Variants in HFE observed in about 807,000 individuals in gnomAD.
HFE encodes the protein hereditary hemochromatosis protein.
Under a neutral mutation model 40.9 loss-of-function variants are expected in HFE, and 36 were observed. The ratio of observed to expected loss-of-function variants is 0.88; its 90% CI spans 0.67 to 1.16. HFE has a LOEUF of 1.16. HFE is among the 50% of genes most tolerant of loss of function. HFE has a pLI of 0.00. For synonymous variants in HFE, 157 were observed against 165.4 expected (o/e 0.95, Z 0.39); for missense variants, 376 against 432.0 (o/e 0.87, Z 1.15).
chr6:26,093,419 C>T (rs1036817770), intron 5 of HFE, among the ~76,000 whole-genome samples, 187 bp downstream of exon 5: 1 of 152,144 alleles, frequency 6.6e-6, no homozygotes, highest in Non-Finnish European at 1.5e-5. Context: ...ATTCAACAAA[C>T]ATCTTCAGAG....
In HFE at chr6:26,094,799, T is replaced by C. The variant is rs1187175688; in HGVS notation, c.*573T>C. 3 of 269,280 alleles carry C rather than the reference T, an allele frequency of 1.1e-5. No individual in the cohort carries two copies. The highest frequency in any genetic ancestry group is 4.9e-5 in the Admixed American group (1 of 20,460). 16.7% of individuals were successfully genotyped at this position (269,280 alleles called of 1,614,324 possible). A position where few individuals can be genotyped will look rare whatever the true frequency, so the allele number is the denominator to read the frequency against. On this transcript the variant is annotated 3_prime_UTR_variant, in exon 6 of 6. Transcript: ENST00000357618. Reference sequence around the variant, plus strand: ...GTGAGTTGCACAGCTATGAAGGCTGTACACTGCACGAATGGAAGAGGCACC... The same window carrying C: ...GTGAGTTGCACAGCTATGAAGGCTGCACACTGCACGAATGGAAGAGGCACC...
At chr6:26,088,134 T>G (rs1417940392) in intron 1 of HFE, among the ~76,000 whole-genome samples, 1 of 152,238 alleles carries the variant, frequency 6.6e-6, no homozygotes, top group Non-Finnish European at 1.5e-5. Context: ...CCTCGGGCCT[T>G]TCCCCACTCT....
At position 26,093,154 on chromosome 6, in the gene HFE, A is replaced by T; in HGVS notation, c.928A>T (p.Ile310Phe). ...SPSGTLVIGV[I>F]SGIAVFVVIL... ...GTCTGGCACCCTAGTCATTGGAGTCATCAGTGGAATTGCTGTTTTTGTCGT... is the reference window on the plus strand; with the variant it reads ...GTCTGGCACCCTAGTCATTGGAGTCTTCAGTGGAATTGCTGTTTTTGTCGT... The change falls in exon 5 of 6, where the codon ATC (isoleucine) becomes TTC (phenylalanine). Residue 310 changes from isoleucine (I) to phenylalanine (F), a missense_variant. This residue lies in a region of HFE where 173 missense variants were observed against 186.9 expected (regional missense o/e 0.93). Coordinates refer to ENST00000357618, the MANE Select transcript of HFE (RefSeq NM_000410.4). 6.2e-7 allele frequency: 1 copy of T among 1,614,158 alleles called. No homozygotes were observed. Among genetic ancestry groups the T allele is most frequent in the Non-Finnish European group, 8.5e-7 (1 of 1,180,014 alleles).
intron 1 of HFE, among the ~76,000 whole-genome samples, chr6:26,088,911 TACA>T (rs1460373372): frequency 1.3e-5 from 2 of 152,068 alleles, no homozygotes; most frequent in East Asian, 3.8e-4. Context: ...CAGAAAGATA[TACA>T]ACATCAGGAA....
chr6:26,096,815 G>A lies in HFE; in HGVS notation c.*2589G>A. 1.4e-5 allele frequency: 5 copies of A among 356,846 alleles called. No individual in the cohort carries two copies. Among genetic ancestry groups the A allele is most frequent in the South Asian group, 2.2e-5 (1 of 45,668 alleles). 22.1% of individuals were successfully genotyped at this position (356,846 alleles called of 1,614,324 possible). On this transcript the variant is annotated 3_prime_UTR_variant, in exon 6 of 6. Transcript: ENST00000357618. Reference sequence around the variant, plus strand: ...TAAAAATGCATATACTTTAATAAATGTATATTGTATTGTATACTGCATGAT... The same window carrying A: ...TAAAAATGCATATACTTTAATAAATATATATTGTATTGTATACTGCATGAT...
At position 26,094,972 on chromosome 6, in the gene HFE, G is replaced by T. The variant is rs62625355; in HGVS notation, c.*746G>T. ...ATACAGATTTGCAAAGTTTAATGGT[G>T]CCTTCATTTGGGATGCTACTCTAGT... On this transcript the variant is annotated 3_prime_UTR_variant, in exon 6 of 6. Transcript: ENST00000357618. The T allele has an allele frequency of 8.0e-4, 126 of 157,560 alleles. No homozygotes were observed. Among genetic ancestry groups the T allele is most frequent in the South Asian group, 1.8e-3 (10 of 5,498 alleles). The allele number at this position is 157,560 out of a possible 1,614,324, so 9.8% of individuals were successfully genotyped here.
chr6:26,094,714 T>C lies in HFE; in HGVS notation c.*488T>C. The C allele has an allele frequency of 2.1e-6, 1 of 484,710 alleles. No homozygotes were observed. Among genetic ancestry groups the C allele is most frequent in the African/African-American group, 2.0e-5 (1 of 51,192 alleles). The allele number at this position is 484,710 out of a possible 1,614,324, so 30.0% of individuals were successfully genotyped here. A position where few individuals can be genotyped will look rare whatever the true frequency, so the allele number is the denominator to read the frequency against. On this transcript the variant is annotated 3_prime_UTR_variant, in exon 6 of 6. Transcript: ENST00000357618. The stretch of plus-strand genomic sequence containing the variant: ...CAACTTTTCCTTTGAATCCTCTCTC[T>C]GTGTTACCCAGTAACTCATCTGTCA...
intron 1 of HFE, among the ~76,000 whole-genome samples, chr6:26,087,907 C>T (rs781158871): frequency 6.6e-6 from 1 of 152,238 alleles, no homozygotes; most frequent in East Asian, 1.9e-4. Flanking sequence ...TTTCCCCAGT[C>T]ATCTCCAAAC....
At chr6:26,088,123 A>G (rs1762419191) in intron 1 of HFE, among the ~76,000 whole-genome samples, 4 of 152,138 alleles carry the variant, frequency 2.6e-5, no homozygotes, top group South Asian at 4.1e-4. Flanking sequence ...AGAGAGGCCT[A>G]CCTCGGGCCT....
rs1207521680 is a variant in HFE, at chr6:26,091,381, G to T, written c.408G>T (p.Trp136Cys). Reference protein sequence around the residue: ...MQEDNSTEGYWKYGYDGQDHL... With the variant: ...MQEDNSTEGYCKYGYDGQDHL... ...AAGACAACAGTACCGAGGGCTACTG[G>T]AAGTACGGGTATGATGGGCAGGACC... The change falls in exon 3 of 6, where the codon TGG becomes TGT. Residue 136 changes from tryptophan to cysteine, a missense_variant. Physicochemically the swap from Trp to Cys is radical, Grantham distance 215. Around this residue, in one of 3 missense-constraint regions of HFE, gnomAD observed 200 missense variants for 228.5 expected, o/e 0.88. Coordinates refer to ENST00000357618, the MANE Select transcript of HFE (RefSeq NM_000410.4). The T allele has an allele frequency of 2.5e-6, 4 of 1,614,078 alleles. No individual in the cohort carries two copies. The highest frequency in any genetic ancestry group is 3.4e-6 in the Non-Finnish European group (4 of 1,180,038).
In HFE at chr6:26,097,872, A is replaced by G. The variant is rs1045384156; in HGVS notation, c.*3646A>G. The G allele has an allele frequency of 2.0e-5, 3 of 152,152 alleles. No homozygotes were observed. Among genetic ancestry groups the G allele is most frequent in the African/African-American group, 7.2e-5 (3 of 41,424 alleles). The allele number at this position is 152,152 out of a possible 1,614,324, so 9.4% of individuals were successfully genotyped here. On this transcript the variant is annotated 3_prime_UTR_variant, in exon 6 of 6. Transcript: ENST00000357618. The stretch of plus-strand genomic sequence containing the variant: ...ACTCACACACATTTAAAAACAAAAC[A>G]CTGTCTCTAAAATCCCCAAATTTTT...
intron 1 of HFE, among the ~76,000 whole-genome samples, chr6:26,089,104 T>TGGGGGGGG (rs1762482257): frequency 5.7e-5 from 1 of 17,676 alleles, no homozygotes; most frequent in African/African-American, 4.2e-4. Flanking sequence ...CATGTGTGTG[T>TGGGGGGGG]GTGTGGGGGG....
rs139523708 is a variant in HFE at position 26,090,964 on chromosome 6, G to T, written c.200G>T (p.Arg67Leu). 1.4e-5 allele frequency: 22 copies of T among 1,614,050 alleles called. No individual in the cohort carries two copies. The highest frequency in any genetic ancestry group is 1.7e-6 in the Non-Finnish European group (2 of 1,180,046). ...LFVFYDHESR[R>L]VEPRTPWVSS... Reference sequence around the variant, plus strand: ...GTGTTCTATGATCATGAGAGTCGCCGTGTGGAGCCCCGAACTCCATGGGTT... The same window carrying T: ...GTGTTCTATGATCATGAGAGTCGCCTTGTGGAGCCCCGAACTCCATGGGTT... Residue 67 changes from arginine to leucine, a missense_variant, in exon 2 of 6, where the codon CGT becomes CTT. Physicochemically the swap from Arg to Leu is moderately radical, Grantham distance 102 (BLOSUM62 -2). Transcript: ENST00000357618.
chr6:26,087,577 C>A, intron 1 of HFE, 61 bp downstream of exon 1: 1 of 1,442,310 alleles, frequency 6.9e-7, no homozygotes, highest in Non-Finnish European at 9.7e-7. Context: ...TCGAAACTAG[C>A]TTTTTCTTTG....
intron 3 of HFE, 25 bp from the exon 4 acceptor site, chr6:26,092,660 C>G: frequency 6.2e-7 from 1 of 1,614,214 alleles, no homozygotes; most frequent in Non-Finnish European, 8.5e-7. Context: ...ATCCCCTCTC[C>G]TCATCCTTCC....
In HFE at chr6:26,094,553, G is replaced by A. The variant is rs1762933219; in HGVS notation, c.*327G>A. On this transcript the variant is annotated 3_prime_UTR_variant, in exon 6 of 6. Coordinates refer to ENST00000357618, the MANE Select transcript of HFE (RefSeq NM_000410.4). The stretch of plus-strand genomic sequence containing the variant: ...CTATGTCATTTCATTTCCTATTTTT[G>A]GAAGAGGACTCCTTAAATTTGGGGG... 3.0e-6 allele frequency: 2 copies of A among 670,430 alleles called. No homozygotes were observed. The highest frequency in any genetic ancestry group is 4.6e-5 in the Admixed American group (2 of 43,290). The allele number at this position is 670,430 out of a possible 1,614,324, so 41.5% of individuals were successfully genotyped here.
intron 5 of HFE, 89 bp from the exon 6 acceptor site, chr6:26,094,097 T>C (rs1401486878): frequency 9.7e-6 from 12 of 1,232,808 alleles, no homozygotes; most frequent in African/African-American, 1.5e-5. Flanking sequence ...TAAATTGAGA[T>C]GGGTGAATGA....
rs1341497054 is a variant in HFE at position 26,095,849 on chromosome 6, A to T, written c.*1623A>T. 1.3e-5 allele frequency: 2 copies of T among 152,222 alleles called. No individual in the cohort carries two copies. The highest frequency in any genetic ancestry group is 4.8e-5 in the African/African-American group (2 of 41,410). 9.4% of individuals were successfully genotyped at this position (152,222 alleles called of 1,614,324 possible). On this transcript the variant is annotated 3_prime_UTR_variant, in exon 6 of 6. Coordinates refer to ENST00000357618, the MANE Select transcript of HFE (RefSeq NM_000410.4). ...CTCTCTTTGGCATTCATTTCTTTGGACCCTACGCAAGGACTGTAATTGGTG... is the reference window on the plus strand; with the variant it reads ...CTCTCTTTGGCATTCATTTCTTTGGTCCCTACGCAAGGACTGTAATTGGTG...
At position 26,092,947 on chromosome 6, in the gene HFE, C is replaced by A; in HGVS notation, c.879C>A (p.Leu293=). The change falls in exon 4 of 6, where the codon CTC becomes CTA. Residue 293 remains leucine, a synonymous_variant. Coordinates refer to ENST00000357618, the MANE Select transcript of HFE (RefSeq NM_000410.4). ...QVEHPGLDQP[L]IVIWEPSPSG... ...AGCACCCAGGCCTGGATCAGCCCCT[C>A]ATTGTGATCTGGGGTATGTGACTGA... The A allele has an allele frequency of 6.2e-7, 1 of 1,614,084 alleles. No individual in the cohort carries two copies. Among genetic ancestry groups the A allele is most frequent in the Non-Finnish European group, 8.5e-7 (1 of 1,180,036 alleles).
Sources: gnomAD v4.1 joint callset for allele counts (sites outside exome capture counted in the v4.1 genomes callset) on GRCh38, gnomAD v4.1.1 for gene constraint, gnomAD v4.1.1 regional missense constraint, MANE v1.5 for transcripts, NCBI Gene and HGNC (gene_info 2026-07-23, HGNC 2026-07-21) for gene names.